HMBOX1: variants seen among roughly 807,000 people sequenced by gnomAD.
HMBOX1 encodes homeobox containing 1, also known as homeobox-containing protein 1.
Under a neutral mutation model 54.5 loss-of-function variants are expected in HMBOX1, and 14 were observed. The ratio of observed to expected loss-of-function variants is 0.26; its 90% confidence interval spans 0.17 to 0.40. HMBOX1 has a LOEUF of 0.40. Among genes scored for constraint, HMBOX1 ranks in the 10% least tolerant of loss-of-function variants. The pLI is 1.00. For missense variants in HMBOX1, 332 were observed against 514.4 expected (o/e 0.65, Z 3.43); for synonymous variants, 160 against 181.0 (o/e 0.88, Z 0.93).
At chr8:29,002,994 CA>C (rs1832867173) in intron 4 of HMBOX1, among the ~76,000 whole-genome samples, 1 of 151,532 alleles carries the variant, frequency 6.6e-6, no homozygotes, top group African/African-American at 2.4e-5. Flanking sequence ...GTCAGACTTT[CA>C]AAACAGTTTT....
At chr8:28,926,524 G>A (rs886161129) in intron 1 of HMBOX1, among the ~76,000 whole-genome samples, 3 of 152,050 alleles carry the variant, frequency 2.0e-5, no homozygotes, top group Admixed American at 1.3e-4. Flanking sequence ...GTAATTGACT[G>A]GAGTAAACTT....
intron 4 of HMBOX1, among the ~76,000 whole-genome samples, chr8:28,991,104 G>A (rs1287334826): frequency 3.3e-5 from 5 of 152,144 alleles, no homozygotes; most frequent in African/African-American, 1.2e-4. Context: ...CTTTGCAAAT[G>A]TGCCTTTTTT....
At chr8:29,044,271 C>A (rs538601904) in intron 6 of HMBOX1, among the ~76,000 whole-genome samples, 1 of 152,240 alleles carries the variant, frequency 6.6e-6, no homozygotes, top group South Asian at 2.1e-4. Context: ...GAAAGGGAAA[C>A]CCCTGAATAA....
intron 6 of HMBOX1, among the ~76,000 whole-genome samples, chr8:29,024,977 C>T (rs948243213): frequency 3.3e-5 from 5 of 152,084 alleles, no homozygotes; most frequent in African/African-American, 7.2e-5. Context: ...CCCCCCACCC[C>T]GTCGGTGGAA....
At chr8:28,960,896 C>G (rs1189879804) in intron 1 of HMBOX1, among the ~76,000 whole-genome samples, 1 of 149,632 alleles carries the variant, frequency 6.7e-6, no homozygotes, top group Non-Finnish European at 1.5e-5. Context: ...AAGCGATTCT[C>G]CTGCCTCAGA....
intron 4 of HMBOX1, among the ~76,000 whole-genome samples, chr8:28,986,840 A>G (rs546727346): frequency 3.3e-5 from 5 of 152,246 alleles, no homozygotes; most frequent in South Asian, 2.1e-4. Flanking sequence ...TCTTTTAAAC[A>G]TAATACATGA....
intron 1 of HMBOX1, among the ~76,000 whole-genome samples, chr8:28,892,815 A>G (rs1324267690): frequency 6.6e-6 from 1 of 152,198 alleles, no homozygotes; most frequent in Non-Finnish European, 1.5e-5. Context: ...TTAGTTTGTG[A>G]TAGACCAGGA....
At chr8:28,901,633 G>A (rs1813252678) in intron 1 of HMBOX1, among the ~76,000 whole-genome samples, 1 of 152,174 alleles carries the variant, frequency 6.6e-6, no homozygotes, top group African/African-American at 2.4e-5. Flanking sequence ...AGCACTCTTA[G>A]AATAATTTTT....
At chr8:28,925,067 A>C (rs1818216514) in intron 1 of HMBOX1, among the ~76,000 whole-genome samples, 1 of 151,866 alleles carries the variant, frequency 6.6e-6, no homozygotes, top group Non-Finnish European at 1.5e-5. Context: ...AATTGGATTC[A>C]CCATCTGTTT....
intron 3 of HMBOX1, among the ~76,000 whole-genome samples, chr8:28,978,111 C>A (rs1165179682): frequency 2.6e-5 from 4 of 152,086 alleles, no homozygotes; most frequent in Non-Finnish European, 5.9e-5. Context: ...ACTGATAGAT[C>A]AGCAGTATAC....
intron 1 of HMBOX1, among the ~76,000 whole-genome samples, chr8:28,924,112 GTT>G (rs35840505): frequency 0.08 from 11,457 of 142,686 alleles, 560 homozygotes; most frequent in Non-Finnish European, 0.12. Context: ...TTTTTTTTTG[GTT>G]TTTTTTTTTT....
intron 2 of HMBOX1, among the ~76,000 whole-genome samples, chr8:28,964,860 C>T (rs1421979294): frequency 6.6e-6 from 1 of 151,970 alleles, no homozygotes. Flanking sequence ...GCCTTAGTTT[C>T]CCTCCCCACT....
At chr8:28,916,690 C>T (rs752882200) in intron 1 of HMBOX1, among the ~76,000 whole-genome samples, 2 of 152,040 alleles carry the variant, frequency 1.3e-5, no homozygotes, top group East Asian at 1.9e-4. Context: ...CCCTTTTCTA[C>T]GAACACACTA....
intron 1 of HMBOX1, among the ~76,000 whole-genome samples, chr8:28,943,165 C>T (rs1423164748): frequency 6.6e-6 from 1 of 152,138 alleles, no homozygotes; most frequent in Admixed American, 6.5e-5. Flanking sequence ...CTTCTGTGTC[C>T]GTTTAGGGTC....
At chr8:29,047,796 A>C (rs1805817173) in intron 8 of HMBOX1, among the ~76,000 whole-genome samples, 1 of 151,848 alleles carries the variant, frequency 6.6e-6, no homozygotes, top group Non-Finnish European at 1.5e-5. Flanking sequence ...CGAACTCCCG[A>C]CCTCAGGTGA....
chr8:28,980,998 C>G (rs1184247261), intron 4 of HMBOX1, among the ~76,000 whole-genome samples: 1 of 152,102 alleles, frequency 6.6e-6, no homozygotes, highest in Admixed American at 6.5e-5. Context: ...AGCCTCTGTG[C>G]CTCAGTTTTC....
In HMBOX1 at chr8:29,035,191, T is replaced by C. The variant is rs1803652106; in HGVS notation, c.852-10170T>C. ...CATTTTAGATACAGACAATAGCCTTTTAGTCAGAGGTAGTCATTTTGCAGA... is the reference window on the plus strand; with the variant it reads ...CATTTTAGATACAGACAATAGCCTTCTAGTCAGAGGTAGTCATTTTGCAGA... On this transcript the variant is annotated intron_variant, in intron 6 of 9. Coordinates refer to ENST00000287701, the MANE Select transcript of HMBOX1 (RefSeq NM_001135726.3). Among the ~76,000 whole-genome samples, 3 of 152,074 alleles carry C rather than the reference T, an allele frequency of 2.0e-5. No individual in the cohort carries two copies. The South Asian group carries it at 6.2e-4, about 32-fold the overall frequency.
chr8:29,019,501 T>G (rs1220771086), intron 6 of HMBOX1, among the ~76,000 whole-genome samples: 1 of 152,190 alleles, frequency 6.6e-6, no homozygotes. Context: ...TTTGGCATAC[T>G]TAGCATAGAT....
chr8:28,942,079 A>C (rs1563434028), intron 1 of HMBOX1, among the ~76,000 whole-genome samples: 1 of 152,200 alleles, frequency 6.6e-6, no homozygotes, highest in Non-Finnish European at 1.5e-5. Flanking sequence ...GGATAGTAGC[A>C]GTGTGAGAAA....
Sources: gnomAD v4.1 joint callset for allele counts (sites outside exome capture counted in the v4.1 genomes callset) on GRCh38, gnomAD v4.1.1 for gene constraint, MANE v1.5 for transcripts, NCBI Gene and HGNC (gene_info 2026-07-23, HGNC 2026-07-21) for gene names.